DPF3: variants seen among roughly 807,000 people sequenced by gnomAD.
The protein encoded by DPF3 is zinc finger protein DPF3.
Under a neutral mutation model 56.8 loss-of-function variants are expected in DPF3, and 18 were observed. The ratio of observed to expected loss-of-function variants is 0.32; its 90% CI spans 0.22 to 0.47. The LOEUF is 0.47. Among genes scored for constraint, DPF3 ranks in the 20% least tolerant of loss-of-function variants. The pLI, the probability that DPF3 is intolerant of heterozygous loss-of-function variation, is 1.00. For synonymous variants in DPF3, 188 were observed against 180.2 expected, an observed-to-expected ratio of 1.04 and a Z score of -0.35; for missense variants, 403 against 488.8, an observed-to-expected ratio of 0.82 and a Z score of 1.65.
chr14:72,625,371 T>G (rs940957213), intron 9 of DPF3, among the ~76,000 whole-genome samples: 8 of 152,240 alleles, frequency 5.3e-5, no homozygotes, highest in Admixed American at 4.6e-4. Flanking sequence ...CTAGATTTGG[T>G]CATTACGGGT....
chr14:72,663,408 T>C (rs548066756), intron 8 of DPF3, among the ~76,000 whole-genome samples: 1 of 152,234 alleles, frequency 6.6e-6, no homozygotes, highest in East Asian at 1.9e-4. Context: ...GCCCCAACCC[T>C]GCCCCAAGTG....
chr14:72,710,877 C>T (rs1888625778), intron 6 of DPF3, among the ~76,000 whole-genome samples: 1 of 152,204 alleles, frequency 6.6e-6, no homozygotes, highest in Non-Finnish European at 1.5e-5. Context: ...AGTATTCATA[C>T]ATCCATACAC....
intron 1 of DPF3, among the ~76,000 whole-genome samples, chr14:72,864,199 C>T (rs987208235): frequency 3.3e-5 from 5 of 150,564 alleles, no homozygotes; most frequent in Non-Finnish European, 5.9e-5. Context: ...CACAGGGCAT[C>T]ACCTGCTCCC....
At chr14:72,784,228 A>G (rs1268146013) in intron 1 of DPF3, among the ~76,000 whole-genome samples, 1 of 152,154 alleles carries the variant, frequency 6.6e-6, no homozygotes, top group African/African-American at 2.4e-5. Context: ...TTGGAGGCAC[A>G]TACTTGTAAA....
chr14:72,773,437 A>G (rs896727941), intron 1 of DPF3, among the ~76,000 whole-genome samples: 1 of 152,098 alleles, frequency 6.6e-6, no homozygotes, highest in Non-Finnish European at 1.5e-5. Context: ...CCTGGCCTCA[A>G]TTTCTTAATT....
At chr14:72,631,524 C>A (rs754362558) in intron 8 of DPF3, among the ~76,000 whole-genome samples, 1 of 152,176 alleles carries the variant, frequency 6.6e-6, no homozygotes, top group Non-Finnish European at 1.5e-5. Flanking sequence ...TTTCTCTGAC[C>A]AGGCACCACT....
chr14:72,859,643 G>A (rs1399783826), intron 1 of DPF3, among the ~76,000 whole-genome samples: 2 of 152,130 alleles, frequency 1.3e-5, no homozygotes, highest in East Asian at 3.9e-4. Flanking sequence ...GCTGTTTGCT[G>A]TAGAGGTAGA....
At chr14:72,734,577 C>T (rs1889809596) in intron 3 of DPF3, among the ~76,000 whole-genome samples, 1 of 152,098 alleles carries the variant, frequency 6.6e-6, no homozygotes, top group Non-Finnish European at 1.5e-5. Context: ...TTAGTATCCC[C>T]CTTAGCCTTC....
At chr14:72,695,753 T>A (rs922160904) in intron 6 of DPF3, among the ~76,000 whole-genome samples, 1 of 152,102 alleles carries the variant, frequency 6.6e-6, no homozygotes, top group African/African-American at 2.4e-5. Flanking sequence ...GGTACTATGT[T>A]CACTAATTGG....
At chr14:72,708,910 T>G (rs906730659) in intron 6 of DPF3, among the ~76,000 whole-genome samples, 4 of 152,196 alleles carry the variant, frequency 2.6e-5, no homozygotes, top group Admixed American at 2.6e-4. Flanking sequence ...GAAGGAGTGC[T>G]GATCAGGGCA....
At chr14:72,809,397 C>T (rs537735128) in intron 1 of DPF3, among the ~76,000 whole-genome samples, 5 of 152,252 alleles carry the variant, frequency 3.3e-5, no homozygotes, top group East Asian at 1.9e-4. Flanking sequence ...AACATGGCAC[C>T]GGTGAAGGGC....
intron 3 of DPF3, among the ~76,000 whole-genome samples, chr14:72,747,375 G>A (rs2139889436): frequency 1.3e-5 from 2 of 152,244 alleles, no homozygotes; most frequent in South Asian, 4.2e-4. Flanking sequence ...TCCTTCCTAG[G>A]TCTTCTCTGC....
intron 1 of DPF3, among the ~76,000 whole-genome samples, chr14:72,804,180 GACACAC>G (rs545355128): frequency 0.032 from 4,297 of 133,226 alleles, 216 homozygotes; most frequent in African/African-American, 0.11. Context: ...TGCTTTCCAG[GACACAC>G]ACACACACAC....
intron 6 of DPF3, among the ~76,000 whole-genome samples, chr14:72,710,739 CT>C (rs1418594933): frequency 2.0e-5 from 3 of 152,162 alleles, no homozygotes; most frequent in Admixed American, 6.5e-5. Flanking sequence ...TATTCAGTTG[CT>C]TTTTTTGTGC....
chr14:72,830,460 T>A (rs953633832), intron 1 of DPF3, among the ~76,000 whole-genome samples: 17 of 152,228 alleles, frequency 1.1e-4, no homozygotes, highest in Middle Eastern at 3.2e-3. Flanking sequence ...AATGTGGAAT[T>A]TGAAATCAGA....
intron 9 of DPF3, among the ~76,000 whole-genome samples, chr14:72,626,911 T>C (rs1884866737): frequency 1.3e-5 from 2 of 151,814 alleles, no homozygotes; most frequent in East Asian, 1.9e-4. Context: ...AGTTTCTTTG[T>C]GAGTGCATTT....
chr14:72,615,647 G>C lies in DPF3; in HGVS notation c.*3650C>G, dbSNP rs1466803940. 1.3e-5 allele frequency among the ~76,000 whole-genome samples: 2 copies of C among 152,166 alleles called. No individual in the cohort carries two copies. Among genetic ancestry groups the C allele is most frequent in the African/African-American group, 4.8e-5 (2 of 41,448 alleles). On this transcript the variant is annotated 3_prime_UTR_variant, in exon 11 of 11. Coordinates refer to ENST00000556509, the MANE Select transcript of DPF3 (RefSeq NM_001280542.3). ...GCTCTTCCCTGGTTCCAGTCGGCTG[G>C]GCTCAGCCTGCCCAGGCTTCCGGCT...
chr14:72,795,542 T>C (rs1892615745), intron 1 of DPF3, among the ~76,000 whole-genome samples: 2 of 152,122 alleles, frequency 1.3e-5, no homozygotes, highest in African/African-American at 4.8e-5. Context: ...GCTTAGTAAA[T>C]GGCAACTAAG....
intron 7 of DPF3, among the ~76,000 whole-genome samples, chr14:72,689,158 C>T (rs1402574239): frequency 6.6e-6 from 1 of 152,198 alleles, no homozygotes; most frequent in East Asian, 1.9e-4. Context: ...CTTTCAGCAG[C>T]AGCACCAGGC....
Sources: gnomAD v4.1 joint callset for allele counts (sites outside exome capture counted in the v4.1 genomes callset) on GRCh38, gnomAD v4.1.1 for gene constraint, MANE v1.5 for transcripts, NCBI Gene and HGNC (gene_info 2026-07-23, HGNC 2026-07-21) for gene names.